SLC16A7: variants seen among roughly 807,000 people sequenced by gnomAD.
SLC16A7 encodes the protein monocarboxylate transporter 2.
Under a neutral mutation model 34.9 loss-of-function variants are expected in SLC16A7, and 33 were observed. That is an observed-to-expected ratio of 0.94 (90% confidence interval 0.72 to 1.26). The LOEUF is 1.26. SLC16A7 is among the 50% of genes most tolerant of loss of function. The pLI is 0.00. For missense variants in SLC16A7, 573 were observed against 578.1 expected (o/e 0.99, Z 0.09); for synonymous variants, 201 against 206.6 (o/e 0.97, Z 0.23).
chr12:59,622,784 G>T (rs1879751032), intron 1 of SLC16A7, among the ~76,000 whole-genome samples: 1 of 151,720 alleles, frequency 6.6e-6, no homozygotes, highest in Admixed American at 6.6e-5. Flanking sequence ...TTGAACACTG[G>T]AATTATGGAT....
At chr12:59,754,354 T>C (rs1453806858) in intron 3 of SLC16A7, among the ~76,000 whole-genome samples, 1 of 151,768 alleles carries the variant, frequency 6.6e-6, no homozygotes, top group Non-Finnish European at 1.5e-5. Flanking sequence ...ATTGATAGAC[T>C]GCTAGCAAGA....
intron 2 of SLC16A7, among the ~76,000 whole-genome samples, chr12:59,685,888 T>G (rs1031117320): frequency 2.0e-5 from 3 of 152,048 alleles, no homozygotes; most frequent in African/African-American, 7.2e-5. Context: ...TGAAAAATTA[T>G]CTAAACATAT....
At chr12:59,656,997 T>A (rs1237257785) in intron 2 of SLC16A7, among the ~76,000 whole-genome samples, 1 of 151,976 alleles carries the variant, frequency 6.6e-6, no homozygotes, top group Non-Finnish European at 1.5e-5. Flanking sequence ...ACAAGTTCTT[T>A]ATAGGGCTGT....
chr12:59,695,776 C>T (rs535524849), intron 2 of SLC16A7, among the ~76,000 whole-genome samples: 103 of 152,060 alleles, frequency 6.8e-4, no homozygotes, highest in African/African-American at 2.5e-3. Context: ...ACAAAACAAA[C>T]TCTTAGGTAC....
chr12:59,662,247 A>T (rs1592448152), intron 2 of SLC16A7, among the ~76,000 whole-genome samples: 1 of 152,092 alleles, frequency 6.6e-6, no homozygotes, highest in Non-Finnish European at 1.5e-5. Context: ...AAACATCATA[A>T]TCTCACAAGG....
chr12:59,757,507 C>T (rs578188065), intron 3 of SLC16A7, among the ~76,000 whole-genome samples: 2 of 152,196 alleles, frequency 1.3e-5, no homozygotes, highest in South Asian at 4.2e-4. Context: ...ATGACTTGCA[C>T]TCTTCTATGA....
chr12:59,730,295 C>T (rs867884511), intron 3 of SLC16A7, among the ~76,000 whole-genome samples: 1 of 151,286 alleles, frequency 6.6e-6, no homozygotes, highest in Non-Finnish European at 1.5e-5. Flanking sequence ...TTTCTACTCC[C>T]GTCCACATGG....
intron 1 of SLC16A7, among the ~76,000 whole-genome samples, chr12:59,638,958 G>A (rs954725457): frequency 1.3e-5 from 2 of 152,084 alleles, no homozygotes; most frequent in Non-Finnish European, 2.9e-5. Context: ...ATACATACAT[G>A]AGCAAACTGT....
intron 3 of SLC16A7, among the ~76,000 whole-genome samples, chr12:59,765,648 T>A (rs1490984721): frequency 2.6e-5 from 4 of 152,214 alleles, no homozygotes; most frequent in Admixed American, 2.0e-4. Context: ...GTTGTAGATA[T>A]GTGGCATTAT....
intron 2 of SLC16A7, among the ~76,000 whole-genome samples, chr12:59,671,617 G>C (rs1869692413): frequency 6.7e-6 from 1 of 150,324 alleles, no homozygotes; most frequent in Non-Finnish European, 1.5e-5. Context: ...ATCAGTTTTT[G>C]TTGTAAAGTT....
chr12:59,663,559 C>T (rs538160956), intron 2 of SLC16A7, among the ~76,000 whole-genome samples: 44 of 152,122 alleles, frequency 2.9e-4, no homozygotes, highest in African/African-American at 7.2e-4. Context: ...CACCTTGTTT[C>T]GTTGGGACAA....
rs1883409063 is a variant in SLC16A7, at chr12:59,783,656, T to A, written c.*3977T>A. On this transcript the variant is annotated 3_prime_UTR_variant, in exon 6 of 6. Transcript: ENST00000547379. ...TATGTAATTTCTTTCTTTCTTTCTT[T>A]TTTTTTTTTTTTGAGACTGAGTCTC... 6.9e-6 allele frequency: 1 copy of A among 144,542 alleles called. No homozygotes were observed. Among genetic ancestry groups the A allele is most frequent in the African/African-American group, 2.7e-5 (1 of 37,506 alleles). The allele number at this position is 144,542 out of a possible 1,614,324, so 9.0% of individuals were successfully genotyped here. A position where few individuals can be genotyped will look rare whatever the true frequency, so the allele number is the denominator to read the frequency against.
chr12:59,637,593 A>G (rs1481168060), intron 1 of SLC16A7, among the ~76,000 whole-genome samples: 1 of 152,120 alleles, frequency 6.6e-6, no homozygotes, highest in Non-Finnish European at 1.5e-5. Context: ...TTAATGAAAA[A>G]AGCATGGCAA....
intron 4 of SLC16A7, among the ~76,000 whole-genome samples, chr12:59,772,861 A>G (rs1882367303): frequency 6.6e-6 from 1 of 152,102 alleles, no homozygotes; most frequent in African/African-American, 2.4e-5. Context: ...AACTTACTTT[A>G]TTTTGGCAAA....
intron 1 of SLC16A7, among the ~76,000 whole-genome samples, chr12:59,639,121 C>T (rs571965360): frequency 6.6e-6 from 1 of 152,182 alleles, no homozygotes; most frequent in Admixed American, 6.5e-5. Context: ...TACCATCATT[C>T]TTTGGCTTTA....
chr12:59,733,428 C>CT (rs1275993285), intron 3 of SLC16A7, among the ~76,000 whole-genome samples: 1 of 152,132 alleles, frequency 6.6e-6, no homozygotes, highest in African/African-American at 2.4e-5. Flanking sequence ...GGGTGGGCAG[C>CT]TCCAGGCGCT....
At chr12:59,664,375 G>A (rs1869025699) in intron 2 of SLC16A7, among the ~76,000 whole-genome samples, 1 of 152,064 alleles carries the variant, frequency 6.6e-6, no homozygotes, top group African/African-American at 2.4e-5. Flanking sequence ...CAGAGAGCAT[G>A]CATTTACAGA....
rs1879034163 is a variant in SLC16A7 at position 59,747,628 on chromosome 12, T to TA, written c.218-23591_218-23590insA. Among the ~76,000 whole-genome samples the TA allele has an allele frequency of 3.9e-5, 6 of 152,326 alleles. 1 individual carries two copies. The South Asian group carries it at 1.2e-3, about 32-fold the overall frequency. ...AAGGGTGCAATTGTCTAGCTCACAC[T>TA]TTTTAAAGCAAACAATACTGTCAAA... On this transcript the variant is annotated intron_variant, in intron 3 of 5. Coordinates refer to ENST00000547379, the MANE Select transcript of SLC16A7 (RefSeq NM_001270623.2).
intron 1 of SLC16A7, among the ~76,000 whole-genome samples, chr12:59,627,394 G>T (rs956461023): frequency 6.6e-6 from 1 of 151,740 alleles, no homozygotes; most frequent in Non-Finnish European, 1.5e-5. Flanking sequence ...TGTAAATAAG[G>T]TTATCATACG....
Sources: gnomAD v4.1 joint callset for allele counts (sites outside exome capture counted in the v4.1 genomes callset) on GRCh38, gnomAD v4.1.1 for gene constraint, MANE v1.5 for transcripts, NCBI Gene and HGNC (gene_info 2026-07-23, HGNC 2026-07-21) for gene names.